FSIP1: variants seen among roughly 807,000 people sequenced by gnomAD.
The protein encoded by FSIP1 is fibrous sheath-interacting protein 1.
In FSIP1, 65 loss-of-function variants were observed where a neutral mutation model predicts 60.9. The ratio of observed to expected loss-of-function variants is 1.07; its 90% confidence interval spans 0.87 to 1.31. The LOEUF (loss-of-function observed/expected upper bound fraction) is 1.31, where lower values mean the gene tolerates loss of function less well. Among genes scored for constraint, FSIP1 ranks in the 40% most tolerant of loss-of-function variants. The pLI is 0.00. For missense variants in FSIP1, 675 were observed against 665.5 expected (o/e 1.01, Z -0.16); for synonymous variants, 209 against 221.2 (o/e 0.94, Z 0.49).
chr15:39,688,122 T>C (rs1241210602), intron 10 of FSIP1, among the ~76,000 whole-genome samples: 3 of 152,208 alleles, frequency 2.0e-5, no homozygotes, highest in African/African-American at 7.2e-5. Flanking sequence ...TAGTCACTGC[T>C]GACAAAATCA....
At chr15:39,632,520 C>T (rs150229547) in intron 10 of FSIP1, among the ~76,000 whole-genome samples, 2,119 of 152,068 alleles carry the variant, frequency 0.014, 27 homozygotes, top group Non-Finnish European at 0.022. Context: ...CTTGGCCAGG[C>T]ATGGTGGCTC....
intron 10 of FSIP1, among the ~76,000 whole-genome samples, chr15:39,626,211 T>C (rs914463771): frequency 6.6e-6 from 1 of 152,194 alleles, no homozygotes. Flanking sequence ...GAACTTTAAA[T>C]ACTTTGCTTG....
intron 1 of FSIP1, among the ~76,000 whole-genome samples, chr15:39,781,169 C>G (rs1399841623): frequency 6.6e-6 from 1 of 152,146 alleles, no homozygotes; most frequent in Non-Finnish European, 1.5e-5. Flanking sequence ...TGGACACACA[C>G]ATCACCCCAG....
At chr15:39,753,048 C>T (rs1897209558) in intron 5 of FSIP1, among the ~76,000 whole-genome samples, 1 of 152,054 alleles carries the variant, frequency 6.6e-6, no homozygotes, top group South Asian at 2.1e-4. Flanking sequence ...TCTGAGATTG[C>T]ATGTTAGTAA....
Position 39,726,729 on chromosome 15 carries a change from C to A in FSIP1, c.910G>T (p.Val304Leu), listed in dbSNP as rs1473964597. 6.2e-7 allele frequency: 1 copy of A among 1,614,006 alleles called. No homozygotes were observed. The highest frequency in any genetic ancestry group is 1.7e-5 in the Admixed American group (1 of 60,016). Residue 304 changes from valine (V) to leucine (L), a missense_variant, in exon 9 of 12, where the codon GTG becomes TTG. Coordinates refer to ENST00000350221, the MANE Select transcript of FSIP1 (RefSeq NM_152597.5). ...AGTTCATATCCTTTTACTGGGACCA[C>A]CCAGCCAGACTGATCACCCTAAGAG... is the stretch of plus-strand genomic sequence containing the variant. ...SSSEGDQSGW[V>L]VPVKGYELAV...
intron 2 of FSIP1, among the ~76,000 whole-genome samples, chr15:39,775,019 G>T (rs1026468008): frequency 1.3e-5 from 2 of 152,000 alleles, no homozygotes; most frequent in African/African-American, 4.8e-5. Context: ...TTTTTGCAGT[G>T]GGGGAGGTGG....
chr15:39,721,524 C>T (rs1358668979), intron 9 of FSIP1, among the ~76,000 whole-genome samples: 1 of 152,228 alleles, frequency 6.6e-6, no homozygotes, highest in Non-Finnish European at 1.5e-5. Flanking sequence ...CCTCTGGTAT[C>T]CTACAAGCTA....
intron 10 of FSIP1, among the ~76,000 whole-genome samples, chr15:39,627,011 G>C (rs1449460038): frequency 1.3e-5 from 2 of 152,098 alleles, no homozygotes; most frequent in African/African-American, 4.8e-5. Flanking sequence ...CACTCAGCTA[G>C]GCCCCACCCA....
Position 39,765,732 on chromosome 15 carries a change from T to C in FSIP1, c.325A>G (p.Lys109Glu). Residue 109 changes from lysine to glutamate, a missense_variant, in exon 4 of 12, where the codon AAA becomes GAA. Lys to Glu is a moderately conservative substitution (Grantham distance 56). Coordinates refer to ENST00000350221, the MANE Select transcript of FSIP1 (RefSeq NM_152597.5). Reference sequence around the variant, plus strand: ...TCTTGAAGTTGAGAATCTAATTCTTTTAATTTGGGTTCATCTATATTGTGT... The same window carrying C: ...TCTTGAAGTTGAGAATCTAATTCTTCTAATTTGGGTTCATCTATATTGTGT... ...ISECSDEPKL[K>E]ELDSQLQDAI... 6.6e-7 allele frequency: 1 copy of C among 1,523,796 alleles called. No individual in the cohort carries two copies. Among genetic ancestry groups the C allele is most frequent in the Non-Finnish European group, 9.0e-7 (1 of 1,112,394 alleles). 94.4% of individuals were successfully genotyped at this position (1,523,796 alleles called of 1,614,324 possible). A position where few individuals can be genotyped will look rare whatever the true frequency, so the allele number is the denominator to read the frequency against.
At chr15:39,603,630 T>C (rs75385297) in intron 11 of FSIP1, among the ~76,000 whole-genome samples, 5,016 of 152,266 alleles carry the variant, frequency 0.033, 264 homozygotes, top group African/African-American at 0.11. Flanking sequence ...AGGGCATGCT[T>C]GCTCTAAGAG....
intron 10 of FSIP1, among the ~76,000 whole-genome samples, chr15:39,640,033 G>C (rs1306734571): frequency 6.6e-6 from 1 of 152,142 alleles, no homozygotes; most frequent in African/African-American, 2.4e-5. Context: ...GTAAATATTT[G>C]TTGATGAAAT....
intron 10 of FSIP1, among the ~76,000 whole-genome samples, chr15:39,644,005 G>A (rs1037219126): frequency 2.6e-5 from 4 of 152,154 alleles, no homozygotes; most frequent in Non-Finnish European, 4.4e-5. Context: ...AGGACCTAAC[G>A]TCATGAGGTT....
At chr15:39,703,017 T>C (rs551710864) in intron 10 of FSIP1, among the ~76,000 whole-genome samples, 2 of 151,916 alleles carry the variant, frequency 1.3e-5, no homozygotes, top group South Asian at 2.1e-4. Flanking sequence ...AGTTTCATTC[T>C]TGTTGCCCAG....
chr15:39,627,214 GGGCTGAGCACTTGCCTGCTGCCA>G (rs1264220056), intron 10 of FSIP1, among the ~76,000 whole-genome samples: 1 of 152,030 alleles, frequency 6.6e-6, no homozygotes. Context: ...GCCTGCTGCC[GGGCTGAGCACTTGCCTGCTGCCA>G]GGCTGAGCAG....
intron 9 of FSIP1, 128 bp from the exon 10 acceptor site, chr15:39,713,709 A>C: frequency 1.2e-6 from 1 of 821,810 alleles, no homozygotes; most frequent in Non-Finnish European, 1.9e-6. Flanking sequence ...CTTCAAAACA[A>C]TATGTATAAC....
chr15:39,688,438 T>C (rs763619835), intron 10 of FSIP1, among the ~76,000 whole-genome samples: 1 of 152,202 alleles, frequency 6.6e-6, no homozygotes, highest in African/African-American at 2.4e-5. Context: ...GAATATCTCA[T>C]GTAATTTCTT....
At chr15:39,658,390 C>G (rs1893157704) in intron 10 of FSIP1, among the ~76,000 whole-genome samples, 2 of 151,628 alleles carry the variant, frequency 1.3e-5, no homozygotes, top group South Asian at 4.2e-4. Flanking sequence ...GCTGGGATTA[C>G]AGGTGCCTGC....
chr15:39,615,381 C>A (rs1595533431), intron 11 of FSIP1, among the ~76,000 whole-genome samples: 6 of 96,186 alleles, frequency 6.2e-5, no homozygotes, highest in East Asian at 6.0e-4. Context: ...GGTTAATATC[C>A]AAAATATATA....
chr15:39,682,300 T>C (rs2140488905), intron 10 of FSIP1, among the ~76,000 whole-genome samples: 1 of 152,312 alleles, frequency 6.6e-6, no homozygotes, highest in East Asian at 1.9e-4. Flanking sequence ...GTTCTAACTG[T>C]TTTTATTAGA....
Sources: gnomAD v4.1 joint callset for allele counts (sites outside exome capture counted in the v4.1 genomes callset) on GRCh38, gnomAD v4.1.1 for gene constraint, MANE v1.5 for transcripts, NCBI Gene and HGNC (gene_info 2026-07-23, HGNC 2026-07-21) for gene names.